Variants in HSPD1 observed in about 807,000 individuals in gnomAD.
The protein encoded by HSPD1 is 60 kDa heat shock protein, mitochondrial.
Under a neutral mutation model 53.0 loss-of-function variants are expected in HSPD1, and 3 were observed. The ratio of observed to expected loss-of-function variants is 0.06; its 90% CI spans 0.03 to 0.15. The LOEUF (loss-of-function observed/expected upper bound fraction) is 0.15. Ranked by LOEUF, HSPD1 falls within the 10% of genes least tolerant of loss-of-function variation. The probability of loss-of-function intolerance (pLI) is 1.00; values close to 1 mark genes in which losing one functional copy is unlikely to be tolerated. For missense variants in HSPD1, 431 were observed against 694.1 expected, an observed-to-expected ratio of 0.62 and a Z score of 4.26; for synonymous variants, 200 against 228.0, an observed-to-expected ratio of 0.88 and a Z score of 1.10.
chr2:197,490,423 GT>G (rs376444325), intron 7 of HSPD1, 127 bp from the exon 8 acceptor site: 649 of 574,974 alleles, frequency 1.1e-3, no homozygotes, highest in South Asian at 1.2e-3. Context: ...GTGTTTTTTT[GT>G]TTTTTTTTTG....
At chr2:197,499,072 G>C (rs1252820337) in intron 1 of HSPD1, 1 of 600,038 alleles carries the variant, frequency 1.7e-6, no homozygotes, top group Non-Finnish European at 3.0e-6. Flanking sequence ...TATAGCACCA[G>C]CACAAAGCAC....
intron 2 of HSPD1, 66 bp downstream of exon 2, chr2:197,498,609 G>C: frequency 7.4e-7 from 1 of 1,352,200 alleles, no homozygotes; most frequent in Non-Finnish European, 1.1e-6. Context: ...ATAGTTCAGT[G>C]CGACTATTTG....
chr2:197,498,621 G>A (rs543438516), intron 2 of HSPD1, 54 bp downstream of exon 2: 69 of 1,466,336 alleles, frequency 4.7e-5, no homozygotes, highest in Non-Finnish European at 6.6e-5. Flanking sequence ...GACTATTTGT[G>A]AGTAAAATGC....
At chr2:197,498,322 A>T (rs781030594) in intron 2 of HSPD1, among the ~76,000 whole-genome samples, 1 of 152,260 alleles carries the variant, frequency 6.6e-6, no homozygotes, top group Non-Finnish European at 1.5e-5. Context: ...ATTATGGAAG[A>T]TAAGTTAAAC....
At chr2:197,500,212 C>G (rs113142336), upstream of HSPD1, 224 of 610,160 alleles carry the variant, frequency 3.7e-4, no homozygotes, top group African/African-American at 3.5e-3. Flanking sequence ...TCTTCCGCCT[C>G]CGAGTCTTCG....
At chr2:197,498,539 C>T (rs894277919) in intron 2 of HSPD1, 136 bp downstream of exon 2, 2 of 819,006 alleles carry the variant, frequency 2.4e-6, no homozygotes, top group East Asian at 2.6e-5. Flanking sequence ...CTAACCAATA[C>T]TTCAGAATTC....
At chr2:197,491,177 C>CT (rs1196099992) in intron 7 of HSPD1, among the ~76,000 whole-genome samples, 22 of 147,488 alleles carry the variant, frequency 1.5e-4, no homozygotes, top group East Asian at 5.9e-4. Flanking sequence ...GGCCTCAAGT[C>CT]TTTTTTTTGT....
At chr2:197,490,579 C>A (rs2086079124) in intron 7 of HSPD1, 1 of 392,530 alleles carries the variant, frequency 2.5e-6, no homozygotes, top group Admixed American at 4.0e-5. Context: ...GCCTGTAATC[C>A]CGGCACTTTG....
chr2:197,495,999 G>A (rs980289473), intron 3 of HSPD1, among the ~76,000 whole-genome samples: 1 of 152,076 alleles, frequency 6.6e-6, no homozygotes, highest in African/African-American at 2.4e-5. Flanking sequence ...TAGGGTCCAC[G>A]ACACTTCTCA....
chr2:197,486,598 ATTT>A lies in HSPD1; in HGVS notation c.*445_*447del, dbSNP rs1559299605. 1 of 188,172 alleles carries A rather than the reference ATTT, an allele frequency of 5.3e-6. No individual in the cohort carries two copies. The highest frequency in any genetic ancestry group is 5.3e-5 in the Admixed American group (1 of 18,746). 11.7% of individuals were successfully genotyped at this position (188,172 alleles called of 1,614,324 possible). A position where few individuals can be genotyped will look rare whatever the true frequency, so the allele number is the denominator to read the frequency against. On this transcript the variant is annotated 3_prime_UTR_variant, in exon 12 of 12. Coordinates refer to ENST00000388968, the MANE Select transcript of HSPD1 (RefSeq NM_002156.5). ...TAACACAATTATTAACTTTAAACAA[ATTT>A]TTATTACACAAAGGTTGTCACATAA...
At chr2:197,489,316 A>G in intron 8 of HSPD1, 69 bp from the exon 9 acceptor site, 3 of 1,452,012 alleles carry the variant, frequency 2.1e-6, no homozygotes, top group Non-Finnish European at 1.9e-6. Flanking sequence ...GTTTATTAAT[A>G]CACCATGCAA....
chr2:197,490,681 T>C lies in HSPD1; in HGVS notation c.870-385A>G, dbSNP rs141286850. 9.6e-3 allele frequency: 2,437 copies of C among 252,864 alleles called. 20 individuals are homozygous for C. Among genetic ancestry groups the C allele is most frequent in the Admixed American group, 0.011 (211 of 19,488 alleles). 15.7% of individuals were successfully genotyped at this position (252,864 alleles called of 1,614,324 possible). On this transcript the variant is annotated intron_variant, in intron 7 of 11. Coordinates refer to ENST00000388968, the MANE Select transcript of HSPD1 (RefSeq NM_002156.5). ...CTGTCTCTACTGAAAATAACAAAAA[T>C]CAGCCAAATGTGGTAGCAGGCACCT...
At position 197,499,005 on chromosome 2, in the gene HSPD1, T is replaced by C. The variant is rs2086199780; in HGVS notation, c.-2-155A>G. 28 of 746,438 alleles carry C rather than the reference T, an allele frequency of 3.8e-5. No homozygotes were observed. In the South Asian group the frequency reaches 4.3e-4, roughly 12 times the overall value. The allele number at this position is 746,438 out of a possible 1,614,324, so 46.2% of individuals were successfully genotyped here. A position where few individuals can be genotyped will look rare whatever the true frequency, so the allele number is the denominator to read the frequency against. ...CCTGAATGACGGAAGGCGCCGCAGC[T>C]TCGGAACATCAGCCACTAGCGCAAG... On this transcript the variant is annotated intron_variant, in intron 1 of 11. Coordinates refer to ENST00000388968, the MANE Select transcript of HSPD1 (RefSeq NM_002156.5).
chr2:197,493,252 C>A, intron 7 of HSPD1, 72 bp downstream of exon 7: 2 of 1,317,900 alleles, frequency 1.5e-6, no homozygotes, highest in Non-Finnish European at 2.2e-6. Context: ...ATGATGGAAA[C>A]TGCAAACAGC....
intron 7 of HSPD1, among the ~76,000 whole-genome samples, chr2:197,492,738 G>A (rs574603825): frequency 4.0e-5 from 6 of 151,354 alleles, no homozygotes; most frequent in Admixed American, 6.6e-5. Flanking sequence ...AAGGCCGGGC[G>A]CAGTGGCTCA....
chr2:197,487,826 A>G (rs1386853546), intron 11 of HSPD1, 32 bp downstream of exon 11: 5 of 1,587,634 alleles, frequency 3.1e-6, no homozygotes, highest in East Asian at 2.2e-5. Context: ...ATGAACAACA[A>G]AAGAATTTTT....
At chr2:197,489,663 G>T (rs1187973333) in intron 8 of HSPD1, among the ~76,000 whole-genome samples, 1 of 152,056 alleles carries the variant, frequency 6.6e-6, no homozygotes, top group Non-Finnish European at 1.5e-5. Flanking sequence ...AGTTTGAGAA[G>T]CCTAGGCAAT....
intron 8 of HSPD1, 96 bp from the exon 9 acceptor site, chr2:197,489,343 C>G: frequency 7.9e-7 from 1 of 1,259,956 alleles, no homozygotes; most frequent in African/African-American, 1.5e-5. Flanking sequence ...CATCAAAATA[C>G]TTTATTTCTT....
chr2:197,495,488 AATTT>A (rs2106077567), intron 3 of HSPD1, 112 bp from the exon 4 acceptor site: 5 of 791,072 alleles, frequency 6.3e-6, no homozygotes, highest in South Asian at 1.6e-5. Flanking sequence ...TAAAAAAAAA[AATTT>A]TTTTTTTTTT....
Sources: allele counts gnomAD v4.1 joint callset (sites outside exome capture counted in the v4.1 genomes callset), GRCh38; gene constraint gnomAD v4.1.1; transcripts MANE v1.5; gene names NCBI Gene and HGNC (gene_info 2026-07-23, HGNC 2026-07-21).